The following CHKA variants were observed in gnomAD, a reference collection of about 807,000 sequenced individuals.
CHKA encodes CHETK-alpha.
In CHKA, 34 loss-of-function variants were observed where a neutral mutation model predicts 60.1. The observed-to-expected ratio is 0.57, with a 90% CI of 0.43 to 0.75. CHKA has a LOEUF of 0.75. Among genes scored for constraint, CHKA ranks in the 30% least tolerant of loss-of-function variants. The pLI, the probability that CHKA is intolerant of heterozygous loss-of-function variation, is 0.00. For synonymous variants in CHKA, 217 were observed against 223.1 expected (o/e 0.97, Z 0.24); for missense variants, 563 against 561.3 (o/e 1.00, Z -0.03).
At position 68,061,500 on chromosome 11, in the gene CHKA, C is replaced by T. The variant is rs538515639; in HGVS notation, c.1314+453G>A. The T allele has an allele frequency of 2.2e-4, 54 of 248,874 alleles. No homozygotes were observed. The South Asian group carries it at 2.4e-3, about 11-fold the overall frequency. The allele number at this position is 248,874 out of a possible 1,614,324, so 15.4% of individuals were successfully genotyped here. A position where few individuals can be genotyped will look rare whatever the true frequency, so the allele number is the denominator to read the frequency against. ...GTCTAATTCAATAATTACCAGCTTC[C>T]AACCCAAAGTCGGGCACTACAGGCT... On this transcript the variant is annotated intron_variant, in intron 11 of 11. Coordinates refer to ENST00000265689, the MANE Select transcript of CHKA (RefSeq NM_001277.3).
chr11:68,082,147 T>C (rs1181245840), intron 2 of CHKA: 1 of 151,994 alleles, frequency 6.6e-6, no homozygotes, highest in Non-Finnish European at 1.5e-5. Flanking sequence ...TGCAAATTTA[T>C]GATAACCAGG....
chr11:68,120,536 T>C (rs1858585446), intron 1 of CHKA, among the ~76,000 whole-genome samples: 1 of 152,264 alleles, frequency 6.6e-6, no homozygotes, highest in African/African-American at 2.4e-5. Flanking sequence ...CACTTCGTGA[T>C]GGAACGGTAT....
chr11:68,092,840 G>A (rs922838340), intron 2 of CHKA, among the ~76,000 whole-genome samples: 9 of 152,020 alleles, frequency 5.9e-5, no homozygotes, highest in African/African-American at 1.5e-4. Flanking sequence ...CTAAGGACTC[G>A]ACCAACTGAA....
In CHKA at chr11:68,084,718, T is replaced by C. The variant is rs201608594; in HGVS notation, c.463-3261A>G. Among the ~76,000 whole-genome samples the C allele has an allele frequency of 2.7e-4, 41 of 152,092 alleles. No homozygotes were observed. The East Asian group carries it at 7.9e-3, about 29-fold the overall frequency. ...GTCATTTTTAAAAAATCATCTTATA[T>C]AGATACAGACTGAAATATTTACAGA... is the stretch of plus-strand genomic sequence containing the variant. On this transcript the variant is annotated intron_variant, in intron 2 of 11. Coordinates refer to ENST00000265689, the MANE Select transcript of CHKA (RefSeq NM_001277.3).
intron 11 of CHKA, among the ~76,000 whole-genome samples, chr11:68,061,106 T>G (rs1196478352): frequency 2.8e-5 from 4 of 141,210 alleles, no homozygotes; most frequent in Admixed American, 1.4e-4. Context: ...TTTTTTTTTT[T>G]TTTTTTTTTT....
At chr11:68,054,113 C>T (rs994560889) in intron 11 of CHKA, 66 bp from the exon 12 acceptor site, 54 of 1,349,558 alleles carry the variant, frequency 4.0e-5, no homozygotes, top group Non-Finnish European at 5.6e-5. Context: ...CCCATGTGTC[C>T]CCCAATCCCC....
chr11:68,068,837 T>G, intron 7 of CHKA, 42 bp downstream of exon 7: 1 of 1,413,254 alleles, frequency 7.1e-7, no homozygotes, highest in Non-Finnish European at 1.0e-6. Flanking sequence ...TTTCTAAGTA[T>G]GCACACAAAC....
chr11:68,113,185 T>C (rs1858244038), intron 1 of CHKA, among the ~76,000 whole-genome samples: 1 of 143,824 alleles, frequency 7.0e-6, no homozygotes, highest in African/African-American at 2.6e-5. Context: ...GGCATGCCCC[T>C]ATAGTCCCAG....
At chr11:68,069,366 G>A (rs1856542877) in intron 6 of CHKA, among the ~76,000 whole-genome samples, 1 of 152,116 alleles carries the variant, frequency 6.6e-6, no homozygotes. Context: ...CCTAGCAGAG[G>A]AGGCACAAAC....
chr11:68,074,624 AAC>A, intron 4 of CHKA, 91 bp downstream of exon 4: 2 of 1,076,586 alleles, frequency 1.9e-6, no homozygotes, highest in East Asian at 4.7e-5. Flanking sequence ...TAACAGTGAA[AAC>A]ACAGCATTGC....
At chr11:68,063,072 T>C (rs201047124) in intron 10 of CHKA, among the ~76,000 whole-genome samples, 1 of 152,238 alleles carries the variant, frequency 6.6e-6, no homozygotes, top group East Asian at 1.9e-4. Context: ...TTCAGGGCCC[T>C]GCTTTGAAAA....
At chr11:68,081,308 A>G in intron 3 of CHKA, 96 bp downstream of exon 3, 1 of 929,368 alleles carries the variant, frequency 1.1e-6, no homozygotes, top group Non-Finnish European at 1.7e-6. Flanking sequence ...GGATTTTCCA[A>G]GGGTAGATAA....
chr11:68,096,988 C>G (rs777443234), intron 2 of CHKA, 31 bp downstream of exon 2: 2 of 1,442,720 alleles, frequency 1.4e-6, no homozygotes, highest in Admixed American at 3.5e-5. Flanking sequence ...TTAACAGGAT[C>G]CCCCCCTCCC....
At chr11:68,095,020 T>G (rs1857453736) in intron 2 of CHKA, among the ~76,000 whole-genome samples, 1 of 152,180 alleles carries the variant, frequency 6.6e-6, no homozygotes, top group African/African-American at 2.4e-5. Flanking sequence ...TAGATTGAGC[T>G]GAAATAGGCC....
intron 11 of CHKA, among the ~76,000 whole-genome samples, chr11:68,054,968 CCTGTGCTGTCATGCA>C (rs1400954664): frequency 2.0e-4 from 31 of 152,238 alleles, no homozygotes; most frequent in Non-Finnish European, 3.8e-4. Context: ...CTCTGAGTGG[CCTGTGCTGTCATGCA>C]CTGGTGCCAC....
intron 3 of CHKA, among the ~76,000 whole-genome samples, chr11:68,077,486 T>G (rs1323244037): frequency 6.6e-6 from 1 of 152,020 alleles, no homozygotes; most frequent in Non-Finnish European, 1.5e-5. Flanking sequence ...GGAGGGAAAA[T>G]TGGTCCTACT....
intron 2 of CHKA, among the ~76,000 whole-genome samples, chr11:68,093,142 G>A (rs1443880571): frequency 2.1e-4 from 32 of 151,864 alleles, no homozygotes; most frequent in Non-Finnish European, 1.5e-5. Flanking sequence ...AAAGTTGCTG[G>A]GACCACAGGC....
chr11:68,079,815 C>T (rs917694984), intron 3 of CHKA, among the ~76,000 whole-genome samples: 2 of 152,110 alleles, frequency 1.3e-5, no homozygotes, highest in Admixed American at 6.6e-5. Flanking sequence ...AGTTCCAAGT[C>T]GAGGTCAGGG....
At chr11:68,106,509 C>T (rs1368362629) in intron 1 of CHKA, among the ~76,000 whole-genome samples, 2 of 150,992 alleles carry the variant, frequency 1.3e-5, no homozygotes, top group Admixed American at 6.6e-5. Flanking sequence ...GCCGTGATCA[C>T]GTCACTGCAC....
Sources: gnomAD v4.1 joint callset for allele counts (sites outside exome capture counted in the v4.1 genomes callset) on GRCh38, gnomAD v4.1.1 for gene constraint, MANE v1.5 for transcripts, NCBI Gene and HGNC (gene_info 2026-07-23, HGNC 2026-07-21) for gene names.